PCDHA4: variants seen among roughly 807,000 people sequenced by gnomAD.
PCDHA4 encodes protocadherin alpha 4.
Under a neutral mutation model 61.4 loss-of-function variants are expected in PCDHA4, and 49 were observed. That is an observed-to-expected ratio of 0.80 (90% confidence interval 0.63 to 1.01). The LOEUF is 1.01. Among genes scored for constraint, PCDHA4 ranks in the 50% least tolerant of loss-of-function variants. PCDHA4 has a pLI of 0.00. For missense variants in PCDHA4, 1,254 were observed against 1,235.8 expected (o/e 1.01, Z -0.22); for synonymous variants, 590 against 550.3 (o/e 1.07, Z -1.01).
intron 1 of PCDHA4, chr5:140,863,161 C>T (rs1554157875): frequency 3.1e-6 from 2 of 650,330 alleles, no homozygotes; most frequent in East Asian, 4.4e-5. Flanking sequence ...CCACTGCGAG[C>T]TGGCGCTGAC....
rs782379229 is a variant in PCDHA4, at chr5:140,927,578, A to G, written c.2386-51371A>G. ...ATCATTGTGGTGGACACAAATGACAACGCGCCTGTATTTGAGCGCTCCGTA... is the reference window on the plus strand; with the variant it reads ...ATCATTGTGGTGGACACAAATGACAGCGCGCCTGTATTTGAGCGCTCCGTA... On this transcript the variant is annotated intron_variant, in intron 1 of 3. Transcript: ENST00000530339. 1.5e-5 allele frequency: 24 copies of G among 1,614,024 alleles called. No homozygotes were observed. The highest frequency in any genetic ancestry group is 2.0e-5 in the Non-Finnish European group (24 of 1,180,026).
chr5:140,830,617 T>C, intron 1 of PCDHA4: 1 of 601,712 alleles, frequency 1.7e-6, no homozygotes, highest in Non-Finnish European at 2.5e-6. Context: ...CATTTTATTG[T>C]GTTTCTTATT....
In PCDHA4 at chr5:140,882,341, G is replaced by A. The variant is rs782271839; in HGVS notation, c.2385+72769G>A. 5.6e-6 allele frequency: 9 copies of A among 1,614,058 alleles called. No individual in the cohort carries two copies. The Admixed American group carries it at 1.3e-4, about 24-fold the overall frequency. ...CTGGCTTCTGATCCTCGCAGCCTGGGAGACGGGTAGTGGCCAGCTCCACTA... is the reference window on the plus strand; with the variant it reads ...CTGGCTTCTGATCCTCGCAGCCTGGAAGACGGGTAGTGGCCAGCTCCACTA... On this transcript the variant is annotated intron_variant, in intron 1 of 3. Coordinates refer to ENST00000530339, the MANE Select transcript of PCDHA4 (RefSeq NM_018907.4).
intron 1 of PCDHA4, among the ~76,000 whole-genome samples, chr5:140,845,925 A>T (rs1435379757): frequency 6.7e-6 from 1 of 149,798 alleles, no homozygotes; most frequent in African/African-American, 2.4e-5. Context: ...ATTTTTGTGT[A>T]AAACTATCTT....
At chr5:140,874,757 C>T (rs984706003) in intron 1 of PCDHA4, among the ~76,000 whole-genome samples, 6 of 152,190 alleles carry the variant, frequency 3.9e-5, no homozygotes, top group Non-Finnish European at 8.8e-5. Context: ...CAAACAATAA[C>T]GCTCTCCATA....
intron 1 of PCDHA4, among the ~76,000 whole-genome samples, chr5:140,891,739 C>T (rs1433506044): frequency 4.6e-5 from 7 of 152,116 alleles, no homozygotes; most frequent in Non-Finnish European, 2.9e-5. Flanking sequence ...AATTCAATCC[C>T]TTATACAACA....
intron 1 of PCDHA4, chr5:140,967,804 A>G (rs1168632160): frequency 6.2e-7 from 1 of 1,614,090 alleles, no homozygotes; most frequent in Admixed American, 1.7e-5. Flanking sequence ...TGCCCATGGC[A>G]GGTCACTGCA....
intron 1 of PCDHA4, chr5:140,850,217 C>T (rs2150473800): frequency 1.1e-5 from 17 of 1,593,592 alleles, no homozygotes; most frequent in Non-Finnish European, 1.5e-5. Flanking sequence ...GGGGCACTGA[C>T]GGCGCAGTGA....
chr5:140,829,086 G>A, intron 1 of PCDHA4: 2 of 1,611,294 alleles, frequency 1.2e-6, no homozygotes, highest in East Asian at 2.2e-5. Flanking sequence ...CCCATGGCGG[G>A]TCATTGCACC....
intron 1 of PCDHA4, chr5:140,841,867 G>A (rs2150324495): frequency 2.5e-6 from 4 of 1,613,836 alleles, no homozygotes; most frequent in Non-Finnish European, 3.4e-6. Flanking sequence ...TGCTAGATGT[G>A]AATTCAAAGA....
chr5:140,841,203 T>C, intron 1 of PCDHA4: 1 of 1,324,274 alleles, frequency 7.6e-7, no homozygotes, highest in Non-Finnish European at 1.0e-6. Flanking sequence ...TCTGACAGCA[T>C]CTGTCTCTAA....
At chr5:140,851,235 T>C (rs2041998909) in intron 1 of PCDHA4, 4 of 1,129,042 alleles carry the variant, frequency 3.5e-6, no homozygotes, top group Non-Finnish European at 4.5e-6. Flanking sequence ...CATTTATTTA[T>C]TGCTAAATGA....
chr5:140,968,962 C>T (rs1554231271), intron 1 of PCDHA4: 29 of 1,614,056 alleles, frequency 1.8e-5, no homozygotes, highest in Non-Finnish European at 2.2e-5. Context: ...TCAAGTGCTA[C>T]CGCTACACTG....
chr5:140,946,980 T>G (rs757011315), intron 1 of PCDHA4, among the ~76,000 whole-genome samples: 4 of 151,702 alleles, frequency 2.6e-5, no homozygotes, highest in Non-Finnish European at 5.9e-5. Context: ...AATAGAGGAT[T>G]TTGAGTGTTC....
In PCDHA4 at chr5:140,830,255, C is replaced by T. The variant is rs142209596; in HGVS notation, c.2385+20683C>T. ...CACGCTACTGCTGTACACAGCGCTG[C>T]GGTGCTCGGCGCCACCCACCGAGGG... On this transcript the variant is annotated intron_variant, in intron 1 of 3. Coordinates refer to ENST00000530339, the MANE Select transcript of PCDHA4 (RefSeq NM_018907.4). 24 of 1,613,502 alleles carry T rather than the reference C, an allele frequency of 1.5e-5. No homozygotes were observed. In the South Asian group the frequency reaches 1.6e-4, roughly 11 times the overall value.
chr5:140,920,858 A>AG (rs2079893810), intron 1 of PCDHA4, among the ~76,000 whole-genome samples: 1 of 151,604 alleles, frequency 6.6e-6, no homozygotes, highest in African/African-American at 2.4e-5. Context: ...AAAAAAAAAA[A>AG]CAAACAAACT....
chr5:140,850,953 C>A (rs2150503765), intron 1 of PCDHA4: 2 of 1,483,986 alleles, frequency 1.3e-6, no homozygotes, highest in Non-Finnish European at 1.8e-6. Context: ...TTATCGATTA[C>A]TCCCAGGGGC....
chr5:140,877,713 T>C (rs2057302382), intron 1 of PCDHA4: 1 of 1,613,318 alleles, frequency 6.2e-7, no homozygotes, highest in African/African-American at 1.3e-5. Flanking sequence ...CCGTGGGGAG[T>C]TGGTCTTACT....
intron 1 of PCDHA4, among the ~76,000 whole-genome samples, chr5:140,897,200 T>C (rs1462263623): frequency 1.3e-5 from 2 of 152,172 alleles, no homozygotes; most frequent in African/African-American, 4.8e-5. Context: ...TTTTTTATTA[T>C]ACTTTAAGTT....
Sources: allele counts gnomAD v4.1 joint callset (sites outside exome capture counted in the v4.1 genomes callset), GRCh38; gene constraint gnomAD v4.1.1; transcripts MANE v1.5; gene names NCBI Gene and HGNC (gene_info 2026-07-23, HGNC 2026-07-21).